Variants in OSBPL8 observed in about 807,000 individuals in gnomAD.
OSBPL8 encodes oxysterol-binding protein-related protein 8.
In OSBPL8, 59 loss-of-function variants were observed where a neutral mutation model predicts 125.5. The ratio of observed to expected loss-of-function variants is 0.47; its 90% CI spans 0.38 to 0.58. OSBPL8 has a LOEUF of 0.58. Among genes scored for constraint, OSBPL8 ranks in the 20% least tolerant of loss-of-function variants. OSBPL8 has a pLI of 0.00. For synonymous variants in OSBPL8, 330 were observed against 338.9 expected, an observed-to-expected ratio of 0.97 and a Z score of 0.29; for missense variants, 758 against 1,047.8, an observed-to-expected ratio of 0.72 and a Z score of 3.82.
chr12:76,547,485 G>C, intron 1 of OSBPL8, among the ~76,000 whole-genome samples: 1 of 151,808 alleles, frequency 6.6e-6, no homozygotes, highest in Admixed American at 6.6e-5. Context: ...GAAAATGAAA[G>C]GAACAAATGA....
chr12:76,535,683 A>G (rs1431003987), intron 1 of OSBPL8, among the ~76,000 whole-genome samples: 1 of 152,228 alleles, frequency 6.6e-6, no homozygotes, highest in East Asian at 1.9e-4. Context: ...TATTCATTAC[A>G]ATACTGTAAT....
In OSBPL8 at chr12:76,375,291, T is replaced by C; in HGVS notation, c.1809A>G (p.Ile603Met). 6.2e-7 allele frequency: 1 copy of C among 1,608,536 alleles called. No homozygotes were observed. Among genetic ancestry groups the C allele is most frequent in the African/African-American group, 1.3e-5 (1 of 74,886 alleles). ...ITCQKTGYSAILEFKLKPFLG... is the reference protein window; with the variant it reads ...ITCQKTGYSAMLEFKLKPFLG... ...TACTAACCTTTAGTTTAAATTCAAG[T>C]ATTGCACTGTATCCAGTTTTTTGAC... The change falls in exon 17 of 24, where the codon ATA becomes ATG. Residue 603 changes from isoleucine (I) to methionine (M), a missense_variant. Physicochemically the swap from Ile to Met is conservative, Grantham distance 10. Around this residue, in one of 3 missense-constraint regions of OSBPL8, gnomAD observed 572 missense variants for 762.0 expected, o/e 0.75. Coordinates refer to ENST00000261183, the MANE Select transcript of OSBPL8 (RefSeq NM_020841.5).
rs1241365340 is a variant in OSBPL8 at position 76,410,566 on chromosome 12, T to C, written c.286A>G (p.Lys96Glu). The change falls in exon 5 of 24, where the codon AAG becomes GAG. Residue 96 changes from lysine to glutamate, a missense_variant and splice_region_variant. Around this residue, in one of 3 missense-constraint regions of OSBPL8, gnomAD observed 117 missense variants for 137.1 expected, o/e 0.85. Coordinates refer to ENST00000261183, the MANE Select transcript of OSBPL8 (RefSeq NM_020841.5). ...DESSLSMSKS[K>E]SESKLYNGSE... ...TGTATTTGCTTATATATGCTTACCT[T>C]GCTCTTTGACATAGAAAGTGAAGAT... 11 of 1,596,600 alleles carry C rather than the reference T, an allele frequency of 6.9e-6. No homozygotes were observed. The highest frequency in any genetic ancestry group is 1.3e-5 in the African/African-American group (1 of 74,700).
At chr12:76,453,988 TAATA>T (rs1377627290) in intron 3 of OSBPL8, among the ~76,000 whole-genome samples, 1 of 152,084 alleles carries the variant, frequency 6.6e-6, no homozygotes, top group Non-Finnish European at 1.5e-5. Context: ...CAAATCAAAA[TAATA>T]AATATTTTAT....
intron 2 of OSBPL8, among the ~76,000 whole-genome samples, chr12:76,478,520 G>A (rs537923230): frequency 1.8e-4 from 27 of 151,942 alleles, no homozygotes; most frequent in African/African-American, 6.0e-4. Context: ...CTTTTAAAAA[G>A]CTAACGCTTT....
chr12:76,384,468 GA>G (rs1412706239), intron 14 of OSBPL8, 118 bp from the exon 15 acceptor site: 8 of 513,874 alleles, frequency 1.6e-5, no homozygotes, highest in Non-Finnish European at 2.2e-5. Context: ...TAATGAGTAA[GA>G]AAAAACATTT....
chr12:76,426,576 A>C (rs1418590228), intron 4 of OSBPL8, among the ~76,000 whole-genome samples: 1 of 152,196 alleles, frequency 6.6e-6, no homozygotes, highest in Non-Finnish European at 1.5e-5. Flanking sequence ...ATCAGGAGAT[A>C]CATATAAGAA....
At chr12:76,430,884 T>C (rs556945998) in intron 4 of OSBPL8, among the ~76,000 whole-genome samples, 2 of 152,228 alleles carry the variant, frequency 1.3e-5, no homozygotes, top group South Asian at 4.2e-4. Context: ...GTTCTTCAAG[T>C]TAGAATGAGA....
intron 1 of OSBPL8, among the ~76,000 whole-genome samples, chr12:76,532,938 C>T (rs985487664): frequency 6.6e-6 from 1 of 152,188 alleles, no homozygotes; most frequent in Non-Finnish European, 1.5e-5. Flanking sequence ...AGAAAATGAG[C>T]TTATCATCCT....
At chr12:76,457,704 T>C (rs1255154970) in intron 3 of OSBPL8, among the ~76,000 whole-genome samples, 1 of 152,190 alleles carries the variant, frequency 6.6e-6, no homozygotes, top group Non-Finnish European at 1.5e-5. Flanking sequence ...TATTATGTTG[T>C]ATATTTTTAT....
chr12:76,425,005 TA>T lies in OSBPL8; in HGVS notation c.218-14372del, dbSNP rs567867324. ...AGTAATAAAAACTGAAAGTCAACCTTATTTACACCAAATAACCCTTTTGCAC... is the reference window on the plus strand; with the variant it reads ...AGTAATAAAAACTGAAAGTCAACCTTTTTACACCAAATAACCCTTTTGCAC... On this transcript the variant is annotated intron_variant, in intron 4 of 23. Coordinates refer to ENST00000261183, the MANE Select transcript of OSBPL8 (RefSeq NM_020841.5). Among the ~76,000 whole-genome samples, 7 of 152,242 alleles carry T rather than the reference TA, an allele frequency of 4.6e-5. No homozygotes were observed. In the East Asian group the frequency reaches 1.2e-3, roughly 25 times the overall value.
At chr12:76,467,688 C>T (rs1592734436) in intron 2 of OSBPL8, among the ~76,000 whole-genome samples, 2 of 152,104 alleles carry the variant, frequency 1.3e-5, no homozygotes, top group African/African-American at 4.8e-5. Context: ...CCATTAGTGC[C>T]CCCTATGTCA....
chr12:76,409,559 T>C (rs537756248), intron 5 of OSBPL8, among the ~76,000 whole-genome samples: 1 of 152,334 alleles, frequency 6.6e-6, no homozygotes, highest in East Asian at 1.9e-4. Flanking sequence ...TATGGGGATC[T>C]CAGCCATGAA....
At chr12:76,418,583 C>T (rs368175228) in intron 4 of OSBPL8, among the ~76,000 whole-genome samples, 7 of 152,162 alleles carry the variant, frequency 4.6e-5, no homozygotes, top group South Asian at 2.1e-4. Context: ...GTAATCTCAG[C>T]GCTTCGGGAG....
At chr12:76,464,693 A>G (rs1875182657) in intron 2 of OSBPL8, among the ~76,000 whole-genome samples, 1 of 152,184 alleles carries the variant, frequency 6.6e-6, no homozygotes, top group African/African-American at 2.4e-5. Flanking sequence ...AATCCCACGC[A>G]ATCTATAGTT....
At chr12:76,514,411 A>G (rs1481861889) in intron 1 of OSBPL8, among the ~76,000 whole-genome samples, 1 of 148,174 alleles carries the variant, frequency 6.7e-6, no homozygotes, top group Non-Finnish European at 1.5e-5. Flanking sequence ...TCAGCCTCCC[A>G]AAGTGCTGGG....
intron 2 of OSBPL8, among the ~76,000 whole-genome samples, chr12:76,472,120 A>G (rs1438030168): frequency 6.6e-6 from 1 of 152,248 alleles, no homozygotes; most frequent in Non-Finnish European, 1.5e-5. Context: ...CCTGAGTTCA[A>G]GTCCTGACTC....
chr12:76,451,341 A>C (rs912979569), intron 3 of OSBPL8, among the ~76,000 whole-genome samples: 1 of 95,462 alleles, frequency 1.0e-5, no homozygotes, highest in Non-Finnish European at 2.7e-5. Flanking sequence ...TCATTTCCCA[A>C]AAAAAAAAAT....
chr12:76,443,169 ATTTAAAAACTAGT>A (rs1436874658), intron 4 of OSBPL8, among the ~76,000 whole-genome samples: 1 of 152,244 alleles, frequency 6.6e-6, no homozygotes, highest in Non-Finnish European at 1.5e-5. Context: ...AATTTTAAAC[ATTTAAAAACTAGT>A]TTGAAATGGA....
Sources: gnomAD v4.1 joint callset for allele counts (sites outside exome capture counted in the v4.1 genomes callset) on GRCh38, gnomAD v4.1.1 for gene constraint, gnomAD v4.1.1 regional missense constraint, MANE v1.5 for transcripts, NCBI Gene and HGNC (gene_info 2026-07-23, HGNC 2026-07-21) for gene names.